The following GRIK2 variants were observed in gnomAD, a reference collection of about 807,000 sequenced individuals.
The protein encoded by GRIK2 is glutamate receptor ionotropic, kainate 2.
In GRIK2, 32 loss-of-function variants were observed where a neutral mutation model predicts 100.3. That is an observed-to-expected ratio of 0.32 (90% CI 0.24 to 0.43). The LOEUF (loss-of-function observed/expected upper bound fraction) is 0.43. Among genes scored for constraint, GRIK2 ranks in the 20% least tolerant of loss-of-function variants. The pLI is 1.00. For synonymous variants in GRIK2, 417 were observed against 389.4 expected (o/e 1.07, Z -0.83); for missense variants, 843 against 1,114.9 (o/e 0.76, Z 3.47).
intron 16 of GRIK2, among the ~76,000 whole-genome samples, chr6:102,067,862 G>A (rs1357678250): frequency 2.0e-5 from 3 of 151,848 alleles, no homozygotes; most frequent in Non-Finnish European, 4.4e-5. Flanking sequence ...ATGTCTGTGT[G>A]AGTGCTATCT....
intron 2 of GRIK2, among the ~76,000 whole-genome samples, chr6:101,597,501 T>G (rs1026872640): frequency 2.0e-5 from 3 of 151,848 alleles, no homozygotes; most frequent in African/African-American, 7.2e-5. Context: ...TTAAGGTCTT[T>G]AGTAGTTAAT....
chr6:101,753,116 A>G (rs912098643), intron 7 of GRIK2, among the ~76,000 whole-genome samples: 5 of 152,014 alleles, frequency 3.3e-5, no homozygotes, highest in Non-Finnish European at 5.9e-5. Context: ...CCCAGTCTCT[A>G]CTAAAAATAC....
chr6:102,024,688 T>A (rs1769602087), intron 14 of GRIK2, among the ~76,000 whole-genome samples: 1 of 151,370 alleles, frequency 6.6e-6, no homozygotes, highest in East Asian at 1.9e-4. Context: ...TTTTCATTAA[T>A]GTATTAAAGC....
At chr6:101,890,079 G>A in intron 12 of GRIK2, 1 of 461,600 alleles carries the variant, frequency 2.2e-6, no homozygotes, top group South Asian at 4.2e-5. Context: ...TAAGCTATAA[G>A]TGTTATAGGG....
rs1347937461 is a variant in GRIK2, at chr6:101,691,517, C to A, written c.951+5164C>A. 2.0e-5 allele frequency among the ~76,000 whole-genome samples: 3 copies of A among 152,114 alleles called. No homozygotes were observed. In the South Asian group the frequency reaches 6.2e-4, roughly 32 times the overall value. On this transcript the variant is annotated intron_variant, in intron 7 of 16. Coordinates refer to ENST00000369134, the MANE Select transcript of GRIK2 (RefSeq NM_021956.5). ...TTCACCATGTTGGCCAGGCTGGTCT[C>A]CAACTCCTGACCTCAAGTGATCCAC...
intron 2 of GRIK2, among the ~76,000 whole-genome samples, chr6:101,414,065 C>T (rs1776000908): frequency 6.6e-6 from 1 of 152,102 alleles, no homozygotes; most frequent in Non-Finnish European, 1.5e-5. Context: ...AGAAGGATAT[C>T]ATATTCTATA....
intron 2 of GRIK2, among the ~76,000 whole-genome samples, chr6:101,620,694 G>C (rs1293243344): frequency 6.6e-6 from 1 of 152,146 alleles, no homozygotes; most frequent in East Asian, 1.9e-4. Context: ...GGAGTACATG[G>C]TGTGAAATTT....
At chr6:101,966,903 T>C (rs1021632890) in intron 14 of GRIK2, among the ~76,000 whole-genome samples, 3 of 152,088 alleles carry the variant, frequency 2.0e-5, no homozygotes, top group African/African-American at 7.2e-5. Flanking sequence ...ATAAACTTAA[T>C]TTTATGCTTG....
At chr6:101,792,370 G>A (rs1188338842) in intron 7 of GRIK2, among the ~76,000 whole-genome samples, 5 of 152,098 alleles carry the variant, frequency 3.3e-5, no homozygotes, top group South Asian at 2.1e-4. Context: ...CATGTTTAGT[G>A]CTTCCTTCAG....
chr6:101,987,567 C>CTAT (rs1794086817), intron 14 of GRIK2, among the ~76,000 whole-genome samples: 2 of 150,950 alleles, frequency 1.3e-5, no homozygotes, highest in South Asian at 4.2e-4. Context: ...TATACTAAGC[C>CTAT]TATTAATGAC....
chr6:101,445,719 T>C (rs1770336365), intron 2 of GRIK2, among the ~76,000 whole-genome samples: 1 of 152,226 alleles, frequency 6.6e-6, no homozygotes, highest in South Asian at 2.1e-4. Flanking sequence ...TAGCAAATTC[T>C]TGCAGTTTTA....
intron 11 of GRIK2, among the ~76,000 whole-genome samples, chr6:101,875,600 A>T (rs961796374): frequency 6.6e-6 from 1 of 151,694 alleles, no homozygotes; most frequent in African/African-American, 2.4e-5. Flanking sequence ...CTGTTTTCTA[A>T]ATTTGCTTTC....
At chr6:101,887,359 C>T (rs968334953) in intron 11 of GRIK2, among the ~76,000 whole-genome samples, 1 of 151,970 alleles carries the variant, frequency 6.6e-6, no homozygotes, top group African/African-American at 2.4e-5. Context: ...ATAGCATATT[C>T]GCTTATATGG....
chr6:101,954,034 T>C (rs1219999937), intron 14 of GRIK2, among the ~76,000 whole-genome samples: 1 of 152,162 alleles, frequency 6.6e-6, no homozygotes, highest in Non-Finnish European at 1.5e-5. Context: ...TGAATTGTTT[T>C]GGTACTCTAG....
chr6:101,993,973 C>G (rs1794519408), intron 14 of GRIK2: 1 of 146,646 alleles, frequency 6.8e-6, no homozygotes, highest in African/African-American at 2.5e-5. Flanking sequence ...TCTATATATA[C>G]ATTACATACA....
chr6:101,982,394 C>T (rs1010596129), intron 14 of GRIK2, among the ~76,000 whole-genome samples: 9 of 151,814 alleles, frequency 5.9e-5, no homozygotes, highest in African/African-American at 1.7e-4. Flanking sequence ...TGCAGCCACT[C>T]TATCATGCAG....
At chr6:102,021,570 C>G (rs1016990713) in intron 14 of GRIK2, among the ~76,000 whole-genome samples, 1 of 151,338 alleles carries the variant, frequency 6.6e-6, no homozygotes. Flanking sequence ...TATTAAAACC[C>G]ATTAATAATA....
intron 14 of GRIK2, among the ~76,000 whole-genome samples, chr6:101,965,202 T>C (rs1792579471): frequency 6.6e-6 from 1 of 152,162 alleles, no homozygotes; most frequent in African/African-American, 2.4e-5. Flanking sequence ...TCATTATTCA[T>C]TTTTTGATCT....
chr6:101,621,878 T>C (rs1204564463), intron 2 of GRIK2, 71 bp from the exon 3 acceptor site: 3 of 1,044,150 alleles, frequency 2.9e-6, no homozygotes, highest in South Asian at 2.7e-5. Context: ...AAACTTCTGA[T>C]ATTTTCTTTA....
Sources: gnomAD v4.1 joint callset for allele counts (sites outside exome capture counted in the v4.1 genomes callset) on GRCh38, gnomAD v4.1.1 for gene constraint, MANE v1.5 for transcripts, NCBI Gene and HGNC (gene_info 2026-07-23, HGNC 2026-07-21) for gene names.